Variants in WASF3 observed in about 807,000 individuals in gnomAD.
The protein encoded by WASF3 is actin-binding protein WASF3.
WASF3 carries 11 observed loss-of-function variants against 46.6 expected under a neutral mutation model. The ratio of observed to expected loss-of-function variants is 0.24; its 90% confidence interval spans 0.15 to 0.39. The LOEUF (loss-of-function observed/expected upper bound fraction) is 0.39. Among genes scored for constraint, WASF3 ranks in the 10% least tolerant of loss-of-function variants. WASF3 has a pLI of 1.00. For synonymous variants in WASF3, 242 were observed against 259.7 expected, an observed-to-expected ratio of 0.93 and a Z score of 0.65; for missense variants, 576 against 669.8, an observed-to-expected ratio of 0.86 and a Z score of 1.55.
At chr13:26,667,706 A>G in intron 5 of WASF3, 36 bp downstream of exon 5, 1 of 1,599,344 alleles carries the variant, frequency 6.3e-7, no homozygotes, top group Non-Finnish European at 8.5e-7. Flanking sequence ...TCTCCTTGAG[A>G]TGAGGGGAGA....
the WASF3 span, among the ~76,000 whole-genome samples, chr13:26,547,383 C>T: frequency 8.1e-6 from 1 of 123,868 alleles, no homozygotes; most frequent in East Asian, 2.5e-4. Flanking sequence ...CACTTTTCTC[C>T]TACCCCATCA....
At chr13:26,577,776 T>A (rs995708006) in intron 1 of WASF3, 8 of 633,594 alleles carry the variant, frequency 1.3e-5, no homozygotes, top group Non-Finnish European at 1.9e-5. Flanking sequence ...GCAGACCTTA[T>A]TCAGATTTCA....
At chr13:26,683,582 C>T (rs897926416) in intron 9 of WASF3, among the ~76,000 whole-genome samples, 1 of 151,676 alleles carries the variant, frequency 6.6e-6, no homozygotes, top group Non-Finnish European at 1.5e-5. Context: ...CTGCATTCTG[C>T]TCTAAGGGGA....
At chr13:26,623,826 CAAGG>C (rs1881384202) in intron 2 of WASF3, among the ~76,000 whole-genome samples, 1 of 152,078 alleles carries the variant, frequency 6.6e-6, no homozygotes, top group African/African-American at 2.4e-5. Flanking sequence ...ACATAAATGT[CAAGG>C]AACTACAGGA....
In WASF3 at chr13:26,633,973, TG is replaced by T. The variant is rs564129368; in HGVS notation, c.-10-8284del. Among the ~76,000 whole-genome samples, 15 of 152,318 alleles carry T rather than the reference TG, an allele frequency of 9.8e-5. No homozygotes were observed. In the South Asian group the frequency reaches 3.1e-3, roughly 32 times the overall value. On this transcript the variant is annotated intron_variant, in intron 2 of 9. Transcript: ENST00000335327. ...GAGAAGAATGTATATTCTGTTGATT[TG>T]GGGTGGAGAGTTCTGTAGATGTCTA...
chr13:26,662,712 G>C (rs1882664236), intron 3 of WASF3, among the ~76,000 whole-genome samples: 1 of 152,096 alleles, frequency 6.6e-6, no homozygotes, highest in African/African-American at 2.4e-5. Context: ...TCACTACCTG[G>C]GTATGGGATC....
chr13:26,602,520 T>C (rs1171895874), intron 1 of WASF3, among the ~76,000 whole-genome samples: 1 of 152,176 alleles, frequency 6.6e-6, no homozygotes, highest in Non-Finnish European at 1.5e-5. Flanking sequence ...CTCAGGAGCT[T>C]TGAATGTAGA....
intron 1 of WASF3, among the ~76,000 whole-genome samples, chr13:26,595,351 A>G (rs564640470): frequency 1.8e-4 from 28 of 152,310 alleles, no homozygotes; most frequent in African/African-American, 6.5e-4. Flanking sequence ...TTATTTTTAT[A>G]TAGTAATAAT....
At chr13:26,596,589 A>G (rs899037585) in intron 1 of WASF3, among the ~76,000 whole-genome samples, 1 of 151,966 alleles carries the variant, frequency 6.6e-6, no homozygotes, top group Non-Finnish European at 1.5e-5. Flanking sequence ...GTTTTTAGCA[A>G]TTTGGCTATG....
intron 2 of WASF3, among the ~76,000 whole-genome samples, chr13:26,616,959 A>G (rs1410297947): frequency 1.3e-5 from 2 of 152,188 alleles, no homozygotes; most frequent in Non-Finnish European, 2.9e-5. Context: ...CAATTCACCA[A>G]CATCCCTTGA....
chr13:26,547,138 AACAAAAC>A, the WASF3 span, among the ~76,000 whole-genome samples: 1 of 152,128 alleles, frequency 6.6e-6, no homozygotes, highest in Non-Finnish European at 1.5e-5. Flanking sequence ...GGAAGCTCAA[AACAAAAC>A]AGGTGATCTG....
At chr13:26,637,182 C>G (rs1456561560) in intron 2 of WASF3, among the ~76,000 whole-genome samples, 1 of 152,192 alleles carries the variant, frequency 6.6e-6, no homozygotes, top group Non-Finnish European at 1.5e-5. Context: ...AGAAGAGTTG[C>G]ATGTAATGCC....
rs543202211 is a variant in WASF3, at chr13:26,679,061, C to G, written c.717-1993C>G. Reference sequence around the variant, plus strand: ...CCGGCCCTCCTCCTCCCATCGTCCCCGGCCCTCCCAGTCCTCTTCCTCCCG... The same window carrying G: ...CCGGCCCTCCTCCTCCCATCGTCCCGGGCCCTCCCAGTCCTCTTCCTCCCG... On this transcript the variant is annotated intron_variant, in intron 7 of 9. Coordinates refer to ENST00000335327, the MANE Select transcript of WASF3 (RefSeq NM_006646.6). The surrounding 1 kb of genome is among the most constrained non-coding windows in gnomAD (Gnocchi z 4.8). Among the ~76,000 whole-genome samples, 3 of 150,704 alleles carry G rather than the reference C, an allele frequency of 2.0e-5. No homozygotes were observed. The highest frequency in any genetic ancestry group is 7.4e-5 in the African/African-American group (3 of 40,728).
At chr13:26,638,491 CT>C (rs1163974583) in intron 2 of WASF3, 5 of 152,188 alleles carry the variant, frequency 3.3e-5, no homozygotes, top group Admixed American at 1.3e-4. Context: ...GACAGACTGA[CT>C]TTGAAGAATG....
At chr13:26,636,992 C>G (rs577168435) in intron 2 of WASF3, among the ~76,000 whole-genome samples, 2 of 152,326 alleles carry the variant, frequency 1.3e-5, no homozygotes, top group African/African-American at 4.8e-5. Flanking sequence ...CTTCACAGGG[C>G]TTATCTGCCA....
At chr13:26,649,960 A>G (rs377551680) in intron 3 of WASF3, among the ~76,000 whole-genome samples, 1 of 152,124 alleles carries the variant, frequency 6.6e-6, no homozygotes, top group Non-Finnish European at 1.5e-5. Flanking sequence ...AATCCCAGCT[A>G]CTCGGGGGGA....
intron 3 of WASF3, among the ~76,000 whole-genome samples, chr13:26,646,969 ATTCTGAAGGCCCTACAAC>A (rs1404673222): frequency 6.6e-6 from 1 of 152,226 alleles, no homozygotes; most frequent in Non-Finnish European, 1.5e-5. Context: ...AGCAAATGGA[ATTCTGAAGGCCCTACAAC>A]TTTACATAAC....
intron 9 of WASF3, among the ~76,000 whole-genome samples, chr13:26,685,192 T>A (rs1883365372): frequency 6.6e-6 from 1 of 152,192 alleles, no homozygotes; most frequent in South Asian, 2.1e-4. Flanking sequence ...CCACAGTAAT[T>A]GTTGAAATAA....
chr13:26,656,899 T>C (rs1329317178), intron 3 of WASF3, among the ~76,000 whole-genome samples: 3 of 151,968 alleles, frequency 2.0e-5, no homozygotes, highest in Admixed American at 1.3e-4. Context: ...AAGAAATAAA[T>C]ACAGTCCAAA....
Sources: gnomAD v4.1 joint callset for allele counts (sites outside exome capture counted in the v4.1 genomes callset) on GRCh38, gnomAD v4.1.1 for gene constraint, Gnocchi (gnomAD v3.1) non-coding constraint, MANE v1.5 for transcripts, NCBI Gene and HGNC (gene_info 2026-07-23, HGNC 2026-07-21) for gene names.